The following CNMD variants were observed in gnomAD, a reference collection of about 807,000 sequenced individuals.
The protein encoded by CNMD is chondromodulin.
In CNMD, 30 loss-of-function variants were observed where a neutral mutation model predicts 37.5. The observed-to-expected ratio is 0.80, with a 90% CI of 0.60 to 1.09. CNMD has a LOEUF of 1.09. Ranked by LOEUF, CNMD falls within the 50% of genes least tolerant of loss-of-function variation. CNMD has a pLI of 0.00. For missense variants in CNMD, 398 were observed against 423.9 expected (o/e 0.94, Z 0.54); for synonymous variants, 167 against 148.2 (o/e 1.13, Z -0.92).
rs1005204535 is a variant in CNMD, at chr13:52,704,502, A to G, written c.790-692T>C. On this transcript the variant is annotated intron_variant, in intron 6 of 6. Coordinates refer to ENST00000377962, the MANE Select transcript of CNMD (RefSeq NM_007015.3). ...TTACATTGGTGAAGTAAAAATCTCCATTTTCACTGCTGGTGAGATTACAGA... is the reference window on the plus strand; with the variant it reads ...TTACATTGGTGAAGTAAAAATCTCCGTTTTCACTGCTGGTGAGATTACAGA... Among the ~76,000 whole-genome samples, 4 of 152,148 alleles carry G rather than the reference A, an allele frequency of 2.6e-5. 1 individual carries two copies. The South Asian group carries it at 8.3e-4, about 32-fold the overall frequency.
rs535362757 is a variant in CNMD, at chr13:52,723,267, A to G, written c.468+730T>C. ...CTACCATGGCCAGCTAATTTTTTGT[A>G]TTTTTAGTAGAGACAGGGTTTTGCC... On this transcript the variant is annotated intron_variant, in intron 4 of 6. Coordinates refer to ENST00000377962, the MANE Select transcript of CNMD (RefSeq NM_007015.3). Among the ~76,000 whole-genome samples, 17 of 151,992 alleles carry G rather than the reference A, an allele frequency of 1.1e-4. No homozygotes were observed. In the South Asian group the frequency reaches 3.3e-3, roughly 30 times the overall value.
chr13:52,737,803 A>T (rs1424316340), intron 2 of CNMD, among the ~76,000 whole-genome samples: 2 of 152,244 alleles, frequency 1.3e-5, no homozygotes, highest in Non-Finnish European at 2.9e-5. Flanking sequence ...TGTTTCAAAC[A>T]TGAGCATCTG....
intron 3 of CNMD, among the ~76,000 whole-genome samples, chr13:52,728,562 C>CT (rs1964613309): frequency 6.6e-6 from 1 of 152,148 alleles, no homozygotes; most frequent in Non-Finnish European, 1.5e-5. Flanking sequence ...ATGCTACCTC[C>CT]TGTAGGGCTG....
chr13:52,723,393 C>T (rs764246118), intron 4 of CNMD, among the ~76,000 whole-genome samples: 1 of 152,140 alleles, frequency 6.6e-6, no homozygotes, highest in Non-Finnish European at 1.5e-5. Context: ...ATGCCTGCCT[C>T]TATTGTGGAG....
At chr13:52,710,550 G>T (rs1460391255) in intron 5 of CNMD, among the ~76,000 whole-genome samples, 3 of 152,180 alleles carry the variant, frequency 2.0e-5, no homozygotes, top group Non-Finnish European at 4.4e-5. Flanking sequence ...AAGATCCAAG[G>T]GCATGGGCCG....
In CNMD at chr13:52,705,290, C is replaced by A. The variant is rs150613266; in HGVS notation, c.790-1480G>T. On this transcript the variant is annotated intron_variant, in intron 6 of 6. Transcript: ENST00000377962. ...AATTGGAGGAATTGTGACATTTCTT[C>A]CATAAATACATTAGAATGTGCCCCC... is the stretch of plus-strand genomic sequence containing the variant. Among the ~76,000 whole-genome samples the A allele has an allele frequency of 1.9e-4, 29 of 152,190 alleles. No homozygotes were observed. The East Asian group carries it at 5.6e-3, about 29-fold the overall frequency.
chr13:52,722,523 A>C (rs541062826), intron 4 of CNMD, among the ~76,000 whole-genome samples: 87 of 152,314 alleles, frequency 5.7e-4, no homozygotes, highest in Non-Finnish European at 9.8e-4. Flanking sequence ...CACTGTATGC[A>C]TACCCCCAGC....
intron 4 of CNMD, among the ~76,000 whole-genome samples, chr13:52,714,351 T>A (rs1424555408): frequency 1.3e-5 from 2 of 152,038 alleles, no homozygotes; most frequent in African/African-American, 4.8e-5. Flanking sequence ...ACTCTAAGGG[T>A]AGTTTTCTGT....
At chr13:52,730,563 C>G (rs922824886) in intron 3 of CNMD, among the ~76,000 whole-genome samples, 2 of 152,112 alleles carry the variant, frequency 1.3e-5, no homozygotes, top group African/African-American at 2.4e-5. Context: ...TTGCATTTCT[C>G]TGATGGCCAG....
chr13:52,716,531 G>A (rs551874354), intron 4 of CNMD, among the ~76,000 whole-genome samples: 170 of 152,288 alleles, frequency 1.1e-3, no homozygotes, highest in African/African-American at 3.9e-3. Flanking sequence ...TGTATAAGGT[G>A]TAAGGAAGGG....
At chr13:52,719,228 G>A (rs1459557076) in intron 4 of CNMD, among the ~76,000 whole-genome samples, 2 of 152,120 alleles carry the variant, frequency 1.3e-5, no homozygotes, top group Non-Finnish European at 2.9e-5. Flanking sequence ...GTCTTTGCAC[G>A]TGAGATGGGT....
chr13:52,716,920 T>A (rs1964395278), intron 4 of CNMD, among the ~76,000 whole-genome samples: 1 of 152,194 alleles, frequency 6.6e-6, no homozygotes, highest in Non-Finnish European at 1.5e-5. Flanking sequence ...TAGCATTGAA[T>A]CTATAAATTA....
intron 2 of CNMD, among the ~76,000 whole-genome samples, chr13:52,735,244 G>A (rs1964736724): frequency 6.6e-6 from 1 of 152,186 alleles, no homozygotes; most frequent in Non-Finnish European, 1.5e-5. Flanking sequence ...TTGGAAAGAA[G>A]GCTCTGTTCT....
intron 4 of CNMD, among the ~76,000 whole-genome samples, chr13:52,717,803 CTTT>C (rs899522365): frequency 6.6e-6 from 1 of 152,020 alleles, no homozygotes; most frequent in Non-Finnish European, 1.5e-5. Flanking sequence ...CTGAAATTTT[CTTT>C]TTTTGTTGTG....
At chr13:52,728,419 C>T (rs1269860981) in intron 3 of CNMD, among the ~76,000 whole-genome samples, 8 of 151,962 alleles carry the variant, frequency 5.3e-5, no homozygotes, top group African/African-American at 1.9e-4. Context: ...TTAAATTAAA[C>T]AGTGTTGTGC....
At position 52,703,763 on chromosome 13, in the gene CNMD, T is replaced by A; in HGVS notation, c.837A>T (p.Glu279Asp). ...SMTFDPRLDH[E>D]GICCIECRRS... ...GCCTACATTCTATACAACAGATTCC[T>A]TCGTGATCCAGTCTAGGGTCGAATG... The change falls in exon 7 of 7, where the codon GAA (glutamate) becomes GAT (aspartate). Residue 279 changes from glutamate to aspartate, a missense_variant. Glu to Asp is a conservative substitution (Grantham distance 45). Transcript: ENST00000377962. 6.2e-7 allele frequency: 1 copy of A among 1,614,198 alleles called. No individual in the cohort carries two copies. The highest frequency in any genetic ancestry group is 8.5e-7 in the Non-Finnish European group (1 of 1,179,996).
Position 52,703,704 on chromosome 13 carries a change from G to T in CNMD, c.896C>A (p.Pro299His). The change falls in exon 7 of 7, where the codon CCC becomes CAC. Residue 299 changes from proline (P) to histidine (H), a missense_variant. Physicochemically the swap from Pro to His is moderately conservative, Grantham distance 77. Coordinates refer to ENST00000377962, the MANE Select transcript of CNMD (RefSeq NM_007015.3). The part of the protein sequence containing the change: ...SYTHCQKICE[P>H]LGGYYPWPYN... ...AGGCCATGGGTAATAGCCCCCCAGG[G>T]GTTCACAGATCTTCTGGCAGTGGGT... 6.2e-7 allele frequency: 1 copy of T among 1,614,060 alleles called. No individual in the cohort carries two copies. Among genetic ancestry groups the T allele is most frequent in the Admixed American group, 1.7e-5 (1 of 60,012 alleles).
At chr13:52,727,524 T>G (rs1370762201) in intron 3 of CNMD, among the ~76,000 whole-genome samples, 1 of 151,782 alleles carries the variant, frequency 6.6e-6, no homozygotes, top group Non-Finnish European at 1.5e-5. Flanking sequence ...ATTAGCTAGG[T>G]GTGGTGGTGT....
intron 5 of CNMD, among the ~76,000 whole-genome samples, chr13:52,712,016 C>A (rs1313899618): frequency 6.6e-6 from 1 of 151,842 alleles, no homozygotes; most frequent in African/African-American, 2.4e-5. Context: ...CCTTTTTTTT[C>A]CCCACATTTG....
Sources: gnomAD v4.1 joint callset for allele counts (sites outside exome capture counted in the v4.1 genomes callset) on GRCh38, gnomAD v4.1.1 for gene constraint, MANE v1.5 for transcripts, NCBI Gene and HGNC (gene_info 2026-07-23, HGNC 2026-07-21) for gene names.